Variants in PDGFRB observed in about 807,000 individuals in gnomAD.
PDGFRB encodes platelet-derived growth factor receptor beta.
A neutral mutation model predicts 120.2 loss-of-function variants in PDGFRB; 42 were observed. The ratio of observed to expected loss-of-function variants is 0.35; its 90% CI spans 0.27 to 0.45. The LOEUF (loss-of-function observed/expected upper bound fraction) is 0.45, where lower values mean the gene tolerates loss of function less well. Among genes scored for constraint, PDGFRB ranks in the 20% least tolerant of loss-of-function variants. The probability of loss-of-function intolerance (pLI) is 1.00; values close to 1 mark genes in which losing one functional copy is unlikely to be tolerated. For missense variants in PDGFRB, 1,149 were observed against 1,476.3 expected (o/e 0.78, Z 3.63); for synonymous variants, 586 against 606.8 (o/e 0.97, Z 0.50).
chr5:150,118,685 CTCGGTGTCTGACT>C, intron 21 of PDGFRB, 49 bp downstream of exon 21: 3 of 995,344 alleles, frequency 3.0e-6, no homozygotes, highest in Non-Finnish European at 4.9e-6. Flanking sequence ...GAGCCTTGTA[CTCGGTGTCTGACT>C]TCTGCACCAG....
intron 10 of PDGFRB, among the ~76,000 whole-genome samples, chr5:150,127,066 C>T (rs753852055): frequency 1.6e-4 from 25 of 152,298 alleles, no homozygotes; most frequent in Non-Finnish European, 1.5e-4. Flanking sequence ...ACCGAGTGGC[C>T]GGTGGACTGA....
intron 10 of PDGFRB, 49 bp from the exon 11 acceptor site, chr5:150,126,663 T>TC: frequency 2.1e-6 from 2 of 942,478 alleles, no homozygotes; most frequent in Non-Finnish European, 3.5e-6. Flanking sequence ...GCAGCTACCC[T>TC]CCCCTCACCC....
At chr5:150,146,363 G>A (rs1182418478) in intron 1 of PDGFRB, among the ~76,000 whole-genome samples, 1 of 152,198 alleles carries the variant, frequency 6.6e-6, no homozygotes, top group Non-Finnish European at 1.5e-5. Flanking sequence ...TAAATGAGAT[G>A]ATCTGGAGAT....
At chr5:150,130,430 T>G (rs1380695097) in intron 9 of PDGFRB, 109 bp downstream of exon 9, 6 of 1,100,386 alleles carry the variant, frequency 5.5e-6, no homozygotes, top group Non-Finnish European at 8.0e-6. Flanking sequence ...AGGATGCAAC[T>G]CTATGCCCGG....
chr5:150,119,605 G>T lies in PDGFRB; in HGVS notation c.2699-39C>A, dbSNP rs754366697. On this transcript the variant is annotated intron_variant, in intron 19 of 22. Transcript: ENST00000261799. Reference sequence around the variant, plus strand: ...GAGACAAGAGATACACAGGCTCAGGGGTGGAAAAGTGGCAGGGCACCCTCT... The same window carrying T: ...GAGACAAGAGATACACAGGCTCAGGTGTGGAAAAGTGGCAGGGCACCCTCT... 20 of 1,293,306 alleles carry T rather than the reference G, an allele frequency of 1.5e-5. No homozygotes were observed. The South Asian group carries it at 2.2e-4, about 15-fold the overall frequency. The allele number at this position is 1,293,306 out of a possible 1,614,324, so 80.1% of individuals were successfully genotyped here.
In PDGFRB at chr5:150,123,161, G is replaced by A. The variant is rs1760196451; in HGVS notation, c.2064C>T (p.Asp688=). 6.2e-7 allele frequency: 1 copy of A among 1,613,738 alleles called. No individual in the cohort carries two copies. The highest frequency in any genetic ancestry group is 1.1e-5 in the South Asian group (1 of 91,080). ...TGTTGCGGTGCAGGTAGTCCACCAGGTCTCCGTAGCGGCAGTACTCAGTGA... is the reference window on the plus strand; with the variant it reads ...TGTTGCGGTGCAGGTAGTCCACCAGATCTCCGTAGCGGCAGTACTCAGTGA... ...YIITEYCRYG[D]LVDYLHRNKH... Residue 688 remains aspartate (D), a synonymous_variant, in exon 15 of 23, where the codon GAC becomes GAT. Transcript: ENST00000261799.
In PDGFRB at chr5:150,121,148, G is replaced by T; in HGVS notation, c.2463+56C>A. The T allele has an allele frequency of 1.5e-6, 2 of 1,332,120 alleles. No homozygotes were observed. Among genetic ancestry groups the T allele is most frequent in the Non-Finnish European group, 2.2e-6 (2 of 922,928 alleles). The allele number at this position is 1,332,120 out of a possible 1,614,324, so 82.5% of individuals were successfully genotyped here. A position where few individuals can be genotyped will look rare whatever the true frequency, so the allele number is the denominator to read the frequency against. ...GTGTGCTCTTGGAGGATGCTGGCTG[G>T]CTGGGTGACCCACCTCCCCACAGCC... On this transcript the variant is annotated intron_variant, in intron 17 of 22. Coordinates refer to ENST00000261799, the MANE Select transcript of PDGFRB (RefSeq NM_002609.4). This position sits in a 1 kb window ranked among gnomAD's most constrained non-coding sequence, Gnocchi z 4.1.
intron 22 of PDGFRB, 85 bp downstream of exon 22, chr5:150,117,533 C>CCA: frequency 1.6e-6 from 1 of 636,960 alleles, no homozygotes; most frequent in Non-Finnish European, 2.6e-6. Context: ...TGGCAGCGCG[C>CCA]GCGCGCGCGC....
At chr5:150,144,369 G>T (rs1580818593) in intron 1 of PDGFRB, among the ~76,000 whole-genome samples, 1 of 152,124 alleles carries the variant, frequency 6.6e-6, no homozygotes, top group East Asian at 1.9e-4. Context: ...ACTGAGGGAG[G>T]AAGGCGGCTG....
intron 21 of PDGFRB, among the ~76,000 whole-genome samples, chr5:150,118,502 T>C (rs1047518981): frequency 6.6e-6 from 1 of 152,210 alleles, no homozygotes; most frequent in South Asian, 2.1e-4. Context: ...GACAGTGCTC[T>C]AGGCCCCCTC....
chr5:150,130,822 T>C (rs531612890), intron 8 of PDGFRB, among the ~76,000 whole-genome samples, 160 bp from the exon 9 acceptor site: 3 of 152,070 alleles, frequency 2.0e-5, no homozygotes, highest in African/African-American at 7.2e-5. Context: ...AACCGATGGG[T>C]TCCCTTCTGG....
At chr5:150,116,132 T>C (rs1334695978) in intron 22 of PDGFRB, among the ~76,000 whole-genome samples, 186 bp from the exon 23 acceptor site, 1 of 152,128 alleles carries the variant, frequency 6.6e-6, no homozygotes, top group Non-Finnish European at 1.5e-5. Context: ...AGAGGTTATA[T>C]CACTGCCCCA....
At chr5:150,146,531 A>C (rs1348442342) in intron 1 of PDGFRB, among the ~76,000 whole-genome samples, 1 of 151,780 alleles carries the variant, frequency 6.6e-6, no homozygotes, top group East Asian at 1.9e-4. Context: ...GGCCGGCCTG[A>C]CTCCAAAGCC....
At chr5:150,147,268 C>T (rs1040828191) in intron 1 of PDGFRB, among the ~76,000 whole-genome samples, 8 of 152,212 alleles carry the variant, frequency 5.3e-5, no homozygotes, top group African/African-American at 1.7e-4. Context: ...CATCCCCACC[C>T]CCCAGAGCCT....
intron 21 of PDGFRB, 107 bp from the exon 22 acceptor site, chr5:150,117,957 G>A (rs762269834): frequency 1.3e-4 from 89 of 660,670 alleles, no homozygotes; most frequent in Middle Eastern, 2.5e-4. Flanking sequence ...TAAGACCCCC[G>A]CTGCTCAGAG....
At position 150,122,060 on chromosome 5, in the gene PDGFRB, A is replaced by C. The variant is rs577704885; in HGVS notation, c.2184-20T>G. On this transcript the variant is annotated intron_variant, in intron 15 of 22. Transcript: ENST00000261799. Reference sequence around the variant, plus strand: ...ACATGGCTGGGGGTAAAGGAGCATCACAGGAGAGCCTGCAGGCTTTGCCTT... The same window carrying C: ...ACATGGCTGGGGGTAAAGGAGCATCCCAGGAGAGCCTGCAGGCTTTGCCTT... The C allele has an allele frequency of 1.4e-5, 22 of 1,608,782 alleles. No individual in the cohort carries two copies. The South Asian group carries it at 2.4e-4, about 18-fold the overall frequency.
chr5:150,135,760 G>C lies in PDGFRB; in HGVS notation c.159C>G (p.Thr53=). The change falls in exon 3 of 23, where the codon ACC becomes ACG. Residue 53 remains threonine, a synonymous_variant. Coordinates refer to ENST00000261799, the MANE Select transcript of PDGFRB (RefSeq NM_002609.4). ...VLNVSSTFVL[T]CSGSAPVVWE... is the part of the protein sequence containing the mutation. ...ACACCACCGGAGCTGAACCCGAGCA[G>C]GTCAGAACGAAGGTGCTGGAGACAT... 6.2e-7 allele frequency: 1 copy of C among 1,613,848 alleles called. No homozygotes were observed. Among genetic ancestry groups the C allele is most frequent in the Non-Finnish European group, 8.5e-7 (1 of 1,179,846 alleles).
intron 12 of PDGFRB, 68 bp from the exon 13 acceptor site, chr5:150,124,899 C>T: frequency 1.5e-6 from 1 of 683,838 alleles, no homozygotes; most frequent in Non-Finnish European, 2.5e-6. Flanking sequence ...AGCTGCCCCC[C>T]TCCCCCCACT....
At chr5:150,140,316 C>T (rs986674481) in intron 1 of PDGFRB, among the ~76,000 whole-genome samples, 1 of 152,132 alleles carries the variant, frequency 6.6e-6, no homozygotes, top group Non-Finnish European at 1.5e-5. Context: ...GAGGACTGTA[C>T]TCTAGGGAAG....
Sources: allele counts gnomAD v4.1 joint callset (sites outside exome capture counted in the v4.1 genomes callset), GRCh38; gene constraint gnomAD v4.1.1; non-coding constraint Gnocchi (gnomAD v3.1); transcripts MANE v1.5; gene names NCBI Gene and HGNC (gene_info 2026-07-23, HGNC 2026-07-21).